Variants in GMDS observed in about 807,000 individuals in gnomAD.
GMDS encodes the protein GDP-mannose 4,6-dehydratase.
Under a neutral mutation model 49.9 loss-of-function variants are expected in GMDS, and 20 were observed. That is an observed-to-expected ratio of 0.40 (90% CI 0.28 to 0.58). The LOEUF is 0.58. Ranked by LOEUF, GMDS falls within the 20% of genes least tolerant of loss-of-function variation. The pLI is 0.42. For missense variants in GMDS, 362 were observed against 481.4 expected, an observed-to-expected ratio of 0.75 and a Z score of 2.32; for synonymous variants, 177 against 178.6, an observed-to-expected ratio of 0.99 and a Z score of 0.07.
chr6:1,755,203 G>A (rs988865215), intron 7 of GMDS, among the ~76,000 whole-genome samples: 18 of 152,170 alleles, frequency 1.2e-4, no homozygotes, highest in Admixed American at 1.1e-3. Flanking sequence ...CAAAATCAAT[G>A]TGCAAAAATC....
chr6:2,114,934 G>T (rs181158543), intron 4 of GMDS, among the ~76,000 whole-genome samples: 140 of 149,812 alleles, frequency 9.3e-4, no homozygotes, highest in Non-Finnish European at 1.5e-3. Context: ...TCCTGTACTT[G>T]TTCATTAAAT....
intron 6 of GMDS, among the ~76,000 whole-genome samples, chr6:1,947,031 C>T (rs938117204): frequency 1.3e-5 from 2 of 152,224 alleles, no homozygotes; most frequent in African/African-American, 4.8e-5. Flanking sequence ...TCATTTTTCG[C>T]ATATGGTATA....
intron 1 of GMDS, among the ~76,000 whole-genome samples, chr6:2,136,351 T>A (rs1255329883): frequency 1.3e-5 from 2 of 152,196 alleles, no homozygotes; most frequent in Non-Finnish European, 2.9e-5. Flanking sequence ...ATAACGAAAT[T>A]GAGTATCCAA....
intron 4 of GMDS, among the ~76,000 whole-genome samples, chr6:1,997,866 A>G (rs1398019549): frequency 2.0e-5 from 3 of 152,192 alleles, no homozygotes; most frequent in African/African-American, 7.2e-5. Flanking sequence ...GAACACTGGA[A>G]GAAGACCAAA....
intron 9 of GMDS, among the ~76,000 whole-genome samples, chr6:1,684,562 T>C (rs141844352): frequency 1.3e-5 from 2 of 152,258 alleles, no homozygotes; most frequent in East Asian, 3.9e-4. Context: ...TCAATGACAT[T>C]GTGCCAGGTA....
At chr6:2,041,624 G>A (rs1769686804) in intron 4 of GMDS, among the ~76,000 whole-genome samples, 1 of 152,180 alleles carries the variant, frequency 6.6e-6, no homozygotes, top group Non-Finnish European at 1.5e-5. Flanking sequence ...AGAAGAGGTG[G>A]GGAGCAGGCT....
intron 9 of GMDS, among the ~76,000 whole-genome samples, chr6:1,669,960 T>G: frequency 7.7e-6 from 1 of 129,908 alleles, no homozygotes. Flanking sequence ...GCCGGTCCCA[T>G]GATGGCTGGG....
intron 7 of GMDS, among the ~76,000 whole-genome samples, chr6:1,912,831 C>A (rs1445192831): frequency 6.6e-6 from 1 of 152,046 alleles, no homozygotes; most frequent in Non-Finnish European, 1.5e-5. Flanking sequence ...CATAAAAATA[C>A]AGAATTTCAA....
chr6:1,818,327 G>T (rs1770751769), intron 7 of GMDS, among the ~76,000 whole-genome samples: 1 of 152,150 alleles, frequency 6.6e-6, no homozygotes, highest in Non-Finnish European at 1.5e-5. Flanking sequence ...TTCTCCTTTG[G>T]CTGGGTGCAG....
intron 9 of GMDS, among the ~76,000 whole-genome samples, chr6:1,646,988 G>A (rs965449806): frequency 2.6e-5 from 4 of 152,206 alleles, no homozygotes; most frequent in African/African-American, 4.8e-5. Flanking sequence ...GGCACGGGTG[G>A]TAGCCAGGCC....
intron 4 of GMDS, among the ~76,000 whole-genome samples, chr6:2,074,556 T>C (rs979070514): frequency 6.6e-6 from 1 of 152,252 alleles, no homozygotes; most frequent in African/African-American, 2.4e-5. Context: ...CTCTGTGCTT[T>C]GAGATCTTAA....
chr6:1,742,333 A>T (rs865809401), intron 8 of GMDS, 135 bp downstream of exon 8: 1 of 619,272 alleles, frequency 1.6e-6, no homozygotes, highest in African/African-American at 1.8e-5. Context: ...CAAAGGCCCC[A>T]CTCTACACTG....
At chr6:1,818,556 C>T (rs1201022622) in intron 7 of GMDS, among the ~76,000 whole-genome samples, 1 of 146,174 alleles carries the variant, frequency 6.8e-6, no homozygotes, top group Non-Finnish European at 1.5e-5. Context: ...TACAGTGAGC[C>T]GAGATCGTGC....
At chr6:2,207,366 T>C (rs1471601409) in intron 1 of GMDS, among the ~76,000 whole-genome samples, 1 of 152,002 alleles carries the variant, frequency 6.6e-6, no homozygotes, top group African/African-American at 2.4e-5. Flanking sequence ...CTGTCACTTA[T>C]GTTCATTGGC....
chr6:1,803,188 G>A (rs1770018441), intron 7 of GMDS, among the ~76,000 whole-genome samples: 1 of 152,094 alleles, frequency 6.6e-6, no homozygotes, highest in Non-Finnish European at 1.5e-5. Flanking sequence ...TTTCCCTCCT[G>A]CTTTTCAGTT....
chr6:1,822,889 C>T (rs79326778), intron 7 of GMDS, among the ~76,000 whole-genome samples: 2,392 of 152,118 alleles, frequency 0.016, 28 homozygotes, highest in Middle Eastern at 0.041. Context: ...TAAATATTTC[C>T]GATTAAGAGA....
intron 9 of GMDS, among the ~76,000 whole-genome samples, chr6:1,703,489 A>G (rs1765616058): frequency 6.6e-6 from 1 of 152,194 alleles, no homozygotes; most frequent in African/African-American, 2.4e-5. Flanking sequence ...AAAAACTTAA[A>G]GTTGCTTTTT....
At chr6:1,837,788 G>C (rs1020742792) in intron 7 of GMDS, among the ~76,000 whole-genome samples, 7 of 152,160 alleles carry the variant, frequency 4.6e-5, no homozygotes, top group Admixed American at 1.3e-4. Flanking sequence ...GACGCAGGAT[G>C]AATGGCTGGG....
rs1419154114 is a variant in GMDS at position 2,060,767 on chromosome 6, C to G, written c.345+55004G>C. ...GAAGGGGGCCGGGCGCGGTGACTCA[C>G]ACCTGTAATCCCAGCACTTTGGGAG... On this transcript the variant is annotated intron_variant, in intron 4 of 10. Coordinates refer to ENST00000380815, the MANE Select transcript of GMDS (RefSeq NM_001500.4). Among the ~76,000 whole-genome samples the G allele has an allele frequency of 2.6e-5, 4 of 152,270 alleles. No homozygotes were observed. In the South Asian group the frequency reaches 8.3e-4, roughly 32 times the overall value.
Sources: gnomAD v4.1 joint callset for allele counts (sites outside exome capture counted in the v4.1 genomes callset) on GRCh38, gnomAD v4.1.1 for gene constraint, MANE v1.5 for transcripts, NCBI Gene and HGNC (gene_info 2026-07-23, HGNC 2026-07-21) for gene names.